The following SETBP1 variants were observed in gnomAD, a reference collection of about 807,000 sequenced individuals.
The protein encoded by SETBP1 is SET-binding protein.
SETBP1 carries 9 observed loss-of-function variants against 101.0 expected under a neutral mutation model. The ratio of observed to expected loss-of-function variants is 0.09; its 90% CI spans 0.05 to 0.16. SETBP1 has a LOEUF of 0.16. Among genes scored for constraint, SETBP1 ranks in the 10% least tolerant of loss-of-function variants. The probability of loss-of-function intolerance (pLI) is 1.00; values close to 1 mark genes in which losing one functional copy is unlikely to be tolerated. For synonymous variants in SETBP1, 818 were observed against 788.5 expected, an observed-to-expected ratio of 1.04 and a Z score of -0.63; for missense variants, 1,858 against 2,033.8, an observed-to-expected ratio of 0.91 and a Z score of 1.66.
intron 3 of SETBP1, among the ~76,000 whole-genome samples, chr18:44,924,479 G>A (rs754915626): frequency 6.6e-6 from 1 of 152,156 alleles, no homozygotes; most frequent in Admixed American, 6.5e-5. Flanking sequence ...GTACAGCTGA[G>A]TAGAACTGTG....
intron 3 of SETBP1, among the ~76,000 whole-genome samples, chr18:44,945,687 TGTTAGCTGTTTTAGGAGATA>T (rs1220134723): frequency 6.6e-6 from 1 of 152,192 alleles, no homozygotes; most frequent in Admixed American, 6.5e-5. Context: ...TTCCCTCACA[TGTTAGCTGTTTTAGGAGATA>T]GTTCTGCTGA....
intron 2 of SETBP1, among the ~76,000 whole-genome samples, chr18:44,711,704 ATTT>A (rs11376628): frequency 2.4e-5 from 3 of 125,626 alleles, no homozygotes; most frequent in East Asian, 2.3e-4. Context: ...TTATCTTTAA[ATTT>A]TTTTTTTTTT....
chr18:45,031,336 A>G (rs991309031), intron 4 of SETBP1, among the ~76,000 whole-genome samples: 5 of 152,170 alleles, frequency 3.3e-5, no homozygotes, highest in Non-Finnish European at 7.4e-5. Context: ...GGTTCTAGGA[A>G]TTACGATGTG....
intron 2 of SETBP1, among the ~76,000 whole-genome samples, chr18:44,868,767 G>A (rs2069199113): frequency 7.9e-6 from 1 of 126,174 alleles, no homozygotes; most frequent in Admixed American, 8.3e-5. Context: ...AGGAAGGAAG[G>A]AAGGAAAAGC....
Position 45,064,644 on chromosome 18 carries a change from T to C in SETBP1, c.*946T>C. 6.6e-6 allele frequency: 1 copy of C among 152,084 alleles called. No individual in the cohort carries two copies. The highest frequency in any genetic ancestry group is 3.2e-3 in the Middle Eastern group (1 of 316). 9.4% of individuals were successfully genotyped at this position (152,084 alleles called of 1,614,324 possible). Reference sequence around the variant, plus strand: ...CCAGGCTATTTTTATACTTAAAACATGTCAGCAGAGCATAGGCAGAATAAA... The same window carrying C: ...CCAGGCTATTTTTATACTTAAAACACGTCAGCAGAGCATAGGCAGAATAAA... On this transcript the variant is annotated 3_prime_UTR_variant, in exon 6 of 6. Coordinates refer to ENST00000649279, the MANE Select transcript of SETBP1 (RefSeq NM_015559.3).
chr18:44,810,404 T>C (rs2071836215), intron 2 of SETBP1, among the ~76,000 whole-genome samples: 1 of 152,218 alleles, frequency 6.6e-6, no homozygotes, highest in Non-Finnish European at 1.5e-5. Context: ...TAGAATCCCT[T>C]AATACAGATG....
chr18:44,701,873 T>C (rs1399887490), intron 2 of SETBP1, 41 bp downstream of exon 2: 2 of 1,601,522 alleles, frequency 1.2e-6, no homozygotes, highest in African/African-American at 2.7e-5. Flanking sequence ...TTTGTTTCTC[T>C]GTTTTTGCCA....
chr18:45,030,844 G>A (rs1389538919), intron 4 of SETBP1, among the ~76,000 whole-genome samples: 2 of 151,936 alleles, frequency 1.3e-5, no homozygotes, highest in Admixed American at 6.6e-5. Flanking sequence ...ATTTCTGTGG[G>A]ATCAGTGGTG....
intron 2 of SETBP1, among the ~76,000 whole-genome samples, chr18:44,854,002 C>T (rs1015748079): frequency 6.6e-6 from 1 of 152,156 alleles, no homozygotes; most frequent in African/African-American, 2.4e-5. Flanking sequence ...TTTTGTCCTA[C>T]CCATACCTTT....
intron 2 of SETBP1, among the ~76,000 whole-genome samples, chr18:44,738,344 T>C (rs2070017515): frequency 6.6e-6 from 1 of 152,214 alleles, no homozygotes; most frequent in South Asian, 2.1e-4. Flanking sequence ...GTGATCTTTA[T>C]TAACAGTAAA....
At chr18:44,843,438 A>C (rs1286322255) in intron 2 of SETBP1, among the ~76,000 whole-genome samples, 2 of 152,176 alleles carry the variant, frequency 1.3e-5, no homozygotes, top group African/African-American at 2.4e-5. Flanking sequence ...CACTGCCCTC[A>C]CAGGACTTGT....
intron 2 of SETBP1, among the ~76,000 whole-genome samples, chr18:44,799,265 T>C (rs1238306231): frequency 6.6e-6 from 1 of 152,126 alleles, no homozygotes; most frequent in Admixed American, 6.6e-5. Context: ...ACAGGGCCTT[T>C]CCATAGGTTG....
At chr18:44,692,391 A>G (rs985329723) in intron 1 of SETBP1, among the ~76,000 whole-genome samples, 1 of 152,232 alleles carries the variant, frequency 6.6e-6, no homozygotes, top group African/African-American at 2.4e-5. Context: ...CTAAGTGGAA[A>G]AGGGAGGCTA....
intron 2 of SETBP1, among the ~76,000 whole-genome samples, chr18:44,841,119 C>T (rs1213601655): frequency 6.6e-6 from 1 of 152,140 alleles, no homozygotes; most frequent in South Asian, 2.1e-4. Flanking sequence ...TAGGAGCAGC[C>T]TAGCTAGGTC....
intron 3 of SETBP1, among the ~76,000 whole-genome samples, chr18:44,920,058 C>G (rs2070544668): frequency 6.6e-6 from 1 of 152,134 alleles, no homozygotes; most frequent in Non-Finnish European, 1.5e-5. Flanking sequence ...TTATAAGGAA[C>G]AGAAATTTAT....
At chr18:44,833,117 A>G (rs1016103493) in intron 2 of SETBP1, among the ~76,000 whole-genome samples, 3 of 152,222 alleles carry the variant, frequency 2.0e-5, no homozygotes, top group African/African-American at 7.2e-5. Flanking sequence ...ACGTAAGCCA[A>G]GTGCCTAGGC....
Position 45,067,554 on chromosome 18 carries a change from T to C in SETBP1, c.*3856T>C, listed in dbSNP as rs1320685799. On this transcript the variant is annotated 3_prime_UTR_variant, in exon 6 of 6. Transcript: ENST00000649279. ...TTCTCGTTATGTAAAAGTAGATAAA[T>C]ATAGACGTTATTCTCAACACTACCC... 1 of 152,166 alleles carries C rather than the reference T, an allele frequency of 6.6e-6. No individual in the cohort carries two copies. The highest frequency in any genetic ancestry group is 1.9e-4 in the East Asian group (1 of 5,192). The allele number at this position is 152,166 out of a possible 1,614,324, so 9.4% of individuals were successfully genotyped here.
At chr18:44,779,491 G>A (rs2071079237) in intron 2 of SETBP1, among the ~76,000 whole-genome samples, 2 of 152,162 alleles carry the variant, frequency 1.3e-5, no homozygotes, top group Non-Finnish European at 2.9e-5. Flanking sequence ...TTGTGGCTAG[G>A]GTGAGTCTTG....
chr18:45,019,853 G>T (rs1333220208), intron 4 of SETBP1, among the ~76,000 whole-genome samples: 1 of 151,966 alleles, frequency 6.6e-6, no homozygotes, highest in Admixed American at 6.6e-5. Flanking sequence ...CTCTCTGCCG[G>T]TTTTTGGAGT....
Sources: gnomAD v4.1 joint callset for allele counts (sites outside exome capture counted in the v4.1 genomes callset) on GRCh38, gnomAD v4.1.1 for gene constraint, MANE v1.5 for transcripts, NCBI Gene and HGNC (gene_info 2026-07-23, HGNC 2026-07-21) for gene names.